CEP70: variants seen among roughly 807,000 people sequenced by gnomAD.
CEP70 encodes centrosomal protein of 70 kDa.
A neutral mutation model predicts 90.9 loss-of-function variants in CEP70; 70 were observed. The observed-to-expected ratio is 0.77, with a 90% CI of 0.64 to 0.94. The LOEUF (loss-of-function observed/expected upper bound fraction) is 0.94. CEP70 is among the 40% of genes least tolerant of loss of function. The pLI, the probability that CEP70 is intolerant of heterozygous loss-of-function variation, is 0.00. For missense variants in CEP70, 648 were observed against 669.0 expected (o/e 0.97, Z 0.35); for synonymous variants, 220 against 228.3 (o/e 0.96, Z 0.33).
At position 138,552,938 on chromosome 3, in the gene CEP70, G is replaced by T. The variant is rs148876281; in HGVS notation, c.466-15591C>A. On this transcript the variant is annotated intron_variant, in intron 6 of 17. Transcript: ENST00000264982. Reference sequence around the variant, plus strand: ...AAAATTGATAGACCACTAGCAAGATGAACCAAGAGAAGAGAGAAGATTCAA... The same window carrying T: ...AAAATTGATAGACCACTAGCAAGATTAACCAAGAGAAGAGAGAAGATTCAA... 5.6e-3 allele frequency among the ~76,000 whole-genome samples: 857 copies of T among 152,242 alleles called. 6 individuals carry two copies. Among genetic ancestry groups the T allele is most frequent in the African/African-American group, 0.02 (826 of 41,562 alleles).
At position 138,571,261 on chromosome 3, in the gene CEP70, ATTACC is replaced by A; in HGVS notation, c.160_160+4del. The A allele has an allele frequency of 6.2e-7, 1 of 1,600,136 alleles. No individual in the cohort carries two copies. The highest frequency in any genetic ancestry group is 8.5e-7 in the Non-Finnish European group (1 of 1,173,486). ...CCTTAAGCATCAAGAATAGGATCTAATTACCTTTGAGATCTGTTCTTTTGACTAGA... is the reference window on the plus strand; with the variant it reads ...CCTTAAGCATCAAGAATAGGATCTAATTTGAGATCTGTTCTTTTGACTAGA... On this transcript the variant is annotated splice_donor_variant and splice_donor_region_variant and coding_sequence_variant and intron_variant, in exon 4 of 18. Transcript: ENST00000264982. LOFTEE classifies it high-confidence loss of function.
chr3:138,546,227 A>G (rs927521982), intron 6 of CEP70, among the ~76,000 whole-genome samples: 2 of 152,182 alleles, frequency 1.3e-5, no homozygotes, highest in Non-Finnish European at 2.9e-5. Flanking sequence ...ACTTAGGGAA[A>G]ACAGAAAGAA....
At chr3:138,496,238 C>T in intron 17 of CEP70, 1 of 985,440 alleles carries the variant, frequency 1.0e-6, no homozygotes, top group Non-Finnish European at 1.2e-6. Flanking sequence ...TTCCAACTCT[C>T]TCCATTGTGT....
intron 10 of CEP70, among the ~76,000 whole-genome samples, chr3:138,527,897 G>T (rs2037435499): frequency 6.6e-6 from 1 of 151,328 alleles, no homozygotes; most frequent in South Asian, 2.1e-4. Context: ...GTGATTATCT[G>T]GATTATAACT....
At chr3:138,556,266 A>G (rs941648831) in intron 6 of CEP70, among the ~76,000 whole-genome samples, 23 of 152,194 alleles carry the variant, frequency 1.5e-4, no homozygotes, top group Admixed American at 9.8e-4. Context: ...ACGGTGGCTC[A>G]CGCCTGTAAT....
In CEP70 at chr3:138,571,313, A is replaced by G. The variant is rs1418750780; in HGVS notation, c.113T>C (p.Met38Thr). 1 of 1,611,824 alleles carries G rather than the reference A, an allele frequency of 6.2e-7. No individual in the cohort carries two copies. Among genetic ancestry groups the G allele is most frequent in the African/African-American group, 1.3e-5 (1 of 74,884 alleles). ...EWESINVLLM[M>T]HGLKPLSLVK... Reference sequence around the variant, plus strand: ...TAGAGACAAAGGTTTTAAGCCATGCATCATCAATAGCACATTTATGCTTTC... The same window carrying G: ...TAGAGACAAAGGTTTTAAGCCATGCGTCATCAATAGCACATTTATGCTTTC... The change falls in exon 4 of 18, where the codon ATG becomes ACG. Residue 38 changes from methionine (M) to threonine (T), a missense_variant. Coordinates refer to ENST00000264982, the MANE Select transcript of CEP70 (RefSeq NM_024491.4).
At chr3:138,537,425 G>C (rs368904129) in intron 6 of CEP70, 78 bp from the exon 7 acceptor site, 29 of 943,752 alleles carry the variant, frequency 3.1e-5, no homozygotes, top group Non-Finnish European at 3.7e-5. Flanking sequence ...GTACACAAAG[G>C]CATCTTCATA....
chr3:138,511,882 A>T (rs925661237), intron 11 of CEP70, among the ~76,000 whole-genome samples: 1 of 152,240 alleles, frequency 6.6e-6, no homozygotes, highest in Non-Finnish European at 1.5e-5. Flanking sequence ...TCTGCCATTA[A>T]CAGTATTACT....
chr3:138,511,070 ACCATGTTGG>A (rs1376892157), intron 11 of CEP70, among the ~76,000 whole-genome samples: 1 of 151,812 alleles, frequency 6.6e-6, no homozygotes, highest in African/African-American at 2.4e-5. Context: ...ACGGTGTTTT[ACCATGTTGG>A]CCAGGCTGGT....
chr3:138,571,988 C>T (rs560656638), intron 3 of CEP70, among the ~76,000 whole-genome samples: 5 of 152,158 alleles, frequency 3.3e-5, no homozygotes, highest in Non-Finnish European at 7.3e-5. Context: ...CCGTGTTAGC[C>T]AGGTTGGTCT....
chr3:138,572,027 C>G (rs1164234392), intron 3 of CEP70, among the ~76,000 whole-genome samples: 2 of 151,926 alleles, frequency 1.3e-5, no homozygotes, highest in African/African-American at 4.8e-5. Flanking sequence ...ATCCACCCGC[C>G]CTGGCCTCCC....
At chr3:138,495,103 AAGAG>A in intron 17 of CEP70, 27 bp from the exon 18 acceptor site, 1 of 1,403,010 alleles carries the variant, frequency 7.1e-7, no homozygotes, top group Non-Finnish European at 1.0e-6. Flanking sequence ...GTAATAATAA[AAGAG>A]AGTAACTTTT....
chr3:138,526,419 C>T (rs975754055), intron 10 of CEP70, among the ~76,000 whole-genome samples: 5 of 152,098 alleles, frequency 3.3e-5, no homozygotes, highest in Admixed American at 6.5e-5. Context: ...CTTCGGCCTC[C>T]TAAAGTGCTG....
Position 138,500,727 on chromosome 3 carries a change from G to T in CEP70, c.1368+8C>A. On this transcript the variant is annotated splice_region_variant and intron_variant, in intron 14 of 17. Transcript: ENST00000264982. The stretch of plus-strand genomic sequence containing the variant: ...ACATTAGAAGGTGACCGTTCATGTA[G>T]GTATTACCTTTTCCTTATTTTCAAC... 6.3e-7 allele frequency: 1 copy of T among 1,584,996 alleles called. No individual in the cohort carries two copies. Among genetic ancestry groups the T allele is most frequent in the Non-Finnish European group, 8.6e-7 (1 of 1,167,694 alleles).
intron 6 of CEP70, among the ~76,000 whole-genome samples, chr3:138,538,402 A>G (rs1360463742): frequency 6.6e-6 from 1 of 152,186 alleles, no homozygotes; most frequent in Non-Finnish European, 1.5e-5. Flanking sequence ...ACCTAGTACC[A>G]TCAGCACTCT....
At chr3:138,579,526 A>G (rs138466235) in intron 2 of CEP70, among the ~76,000 whole-genome samples, 209 of 151,968 alleles carry the variant, frequency 1.4e-3, no homozygotes, top group African/African-American at 4.8e-3. Context: ...ATACCAGCTC[A>G]GTCACAGTAG....
Position 138,500,455 on chromosome 3 carries a change from G to C in CEP70, c.1481C>G (p.Thr494Ser). The change falls in exon 15 of 18, where the codon ACT (threonine) becomes AGT (serine). Residue 494 changes from threonine to serine, a missense_variant. Physicochemically the swap from Thr to Ser is moderately conservative, Grantham distance 58. Transcript: ENST00000264982. ...GVYPRMNEVY[T>S]RLGEMNNAVR... ...AGCATTGTTCATTTCTCCAAGCCTA[G>C]TATAAACTTCATTCATTCGGGGATA... 1 of 1,610,788 alleles carries C rather than the reference G, an allele frequency of 6.2e-7. No homozygotes were observed. The highest frequency in any genetic ancestry group is 2.2e-5 in the East Asian group (1 of 44,774).
chr3:138,532,368 G>A, intron 8 of CEP70, 146 bp downstream of exon 8: 8 of 559,128 alleles, frequency 1.4e-5, no homozygotes, highest in Non-Finnish European at 2.2e-5. Flanking sequence ...GTAAAATACA[G>A]TCTTCAAGTT....
intron 7 of CEP70, 88 bp downstream of exon 7, chr3:138,537,090 T>C (rs1576710600): frequency 1.1e-6 from 1 of 919,736 alleles, no homozygotes; most frequent in East Asian, 2.9e-5. Context: ...ATAAGAGTTA[T>C]AACCACCCCC....
Sources: gnomAD v4.1 joint callset for allele counts (sites outside exome capture counted in the v4.1 genomes callset) on GRCh38, gnomAD v4.1.1 for gene constraint, MANE v1.5 for transcripts, NCBI Gene and HGNC (gene_info 2026-07-23, HGNC 2026-07-21) for gene names.